DNAH10: variants seen among roughly 807,000 people sequenced by gnomAD.
The protein encoded by DNAH10 is axonemal beta dynein heavy chain 10.
A neutral mutation model predicts 506.6 loss-of-function variants in DNAH10; 348 were observed. That is an observed-to-expected ratio of 0.69 (90% CI 0.63 to 0.75). DNAH10 has a LOEUF of 0.75. DNAH10 is among the 30% of genes least tolerant of loss of function. The probability of loss-of-function intolerance (pLI) is 0.00; values close to 1 mark genes in which losing one functional copy is unlikely to be tolerated. For missense variants in DNAH10, 5,179 were observed against 5,787.1 expected, an observed-to-expected ratio of 0.89 and a Z score of 3.41; for synonymous variants, 2,059 against 2,198.6, an observed-to-expected ratio of 0.94 and a Z score of 1.78.
rs767366047 is a variant in DNAH10, at chr12:123,845,792, C to T, written c.5553C>T (p.Asn1851=). The T allele has an allele frequency of 2.1e-5, 34 of 1,613,856 alleles. No homozygotes were observed. In the Admixed American group the frequency reaches 2.2e-4, roughly 10 times the overall value. The change falls in exon 31 of 79, where the codon AAC becomes AAT. Residue 1851 remains asparagine (N), a synonymous_variant. Coordinates refer to ENST00000673944, the MANE Select transcript of DNAH10 (RefSeq NM_001372106.1). The stretch of plus-strand genomic sequence containing the variant: ...GCATCACCATGCCGCTAAGCAAAAA[C>T]GACAGGAAAAAATACAACACTGTTC... ...VTRITMPLSK[N]DRKKYNTVLI...
rs534564137 is a variant in DNAH10, at chr12:123,871,919, A to G, written c.7785+317A>G. Among the ~76,000 whole-genome samples the G allele has an allele frequency of 6.6e-5, 10 of 152,368 alleles. No homozygotes were observed. In the East Asian group the frequency reaches 1.7e-3, roughly 26 times the overall value. On this transcript the variant is annotated intron_variant, in intron 45 of 78. Coordinates refer to ENST00000673944, the MANE Select transcript of DNAH10 (RefSeq NM_001372106.1). ...ATGGCTTGGGTGTGCTCAACATGGTAGAGTGAGTGCTTAAGATAGATGGCA... is the reference window on the plus strand; with the variant it reads ...ATGGCTTGGGTGTGCTCAACATGGTGGAGTGAGTGCTTAAGATAGATGGCA...
chr12:123,781,284 A>G lies in DNAH10; in HGVS notation c.826A>G (p.Met276Val), dbSNP rs1422253514. 4.3e-6 allele frequency: 7 copies of G among 1,611,540 alleles called. No homozygotes were observed. The African/African-American group carries it at 6.7e-5, about 15-fold the overall frequency. ...ATTTGCAAGTAATATTCAAAGAACC[A>G]TGCAGCAACTTGAAGGTAAGGTTTC... ...QKFASNIQRT[M>V]QQLEGEIKLE... Residue 276 changes from methionine (M) to valine (V), a missense_variant, in exon 6 of 79, where the codon ATG (methionine) becomes GTG (valine). Coordinates refer to ENST00000673944, the MANE Select transcript of DNAH10 (RefSeq NM_001372106.1).
chr12:123,784,946 C>T (rs1328806663), intron 8 of DNAH10, among the ~76,000 whole-genome samples: 6 of 152,218 alleles, frequency 3.9e-5, no homozygotes, highest in Non-Finnish European at 7.3e-5. Flanking sequence ...AATCATATTC[C>T]ATAGCATGGA....
chr12:123,865,854 A>G, intron 40 of DNAH10, 97 bp from the exon 41 acceptor site: 1 of 1,243,348 alleles, frequency 8.0e-7, no homozygotes, highest in African/African-American at 1.5e-5. Context: ...TTTGGATTTC[A>G]TGCAGTTGTA....
rs374791083 is a variant in DNAH10, at chr12:123,830,693, T to A, written c.4539T>A (p.Ile1513=). 101 of 1,609,158 alleles carry A rather than the reference T, an allele frequency of 6.3e-5. No homozygotes were observed. The Admixed American group carries it at 1.6e-3, about 25-fold the overall frequency. ...IVTAAIKEVA[I]EKAVKEILDT... is the part of the protein sequence containing the mutation. ...CAGCAGCAATCAAGGAGGTTGCCAT[T>A]GAGAAGGTAAGACTTCAGTTAAAAA... Residue 1513 remains isoleucine (I), a synonymous_variant, in exon 26 of 79, where the codon ATT becomes ATA. Coordinates refer to ENST00000673944, the MANE Select transcript of DNAH10 (RefSeq NM_001372106.1).
chr12:123,835,583 T>G, intron 28 of DNAH10, 55 bp downstream of exon 28: 1 of 1,564,754 alleles, frequency 6.4e-7, no homozygotes, highest in Middle Eastern at 1.8e-4. Flanking sequence ...TTTGAGATAT[T>G]TGTACCTTTT....
At chr12:123,840,692 G>A (rs1213718506) in intron 29 of DNAH10, among the ~76,000 whole-genome samples, 3 of 152,004 alleles carry the variant, frequency 2.0e-5, no homozygotes, top group African/African-American at 7.3e-5. Context: ...CCTGTTTGTT[G>A]CCTTCCTCTC....
intron 24 of DNAH10, among the ~76,000 whole-genome samples, chr12:123,825,596 C>T (rs1042553546): frequency 5.3e-5 from 8 of 151,982 alleles, no homozygotes; most frequent in African/African-American, 1.9e-4. Context: ...AAAATGCAAA[C>T]GAATTTATGG....
At chr12:123,764,400 G>A (rs1033782045) in intron 1 of DNAH10, among the ~76,000 whole-genome samples, 1 of 152,028 alleles carries the variant, frequency 6.6e-6, no homozygotes, top group Non-Finnish European at 1.5e-5. Flanking sequence ...ACTTTCATTG[G>A]CACCAAGTGA....
intron 26 of DNAH10, among the ~76,000 whole-genome samples, chr12:123,832,111 G>A (rs1960619656): frequency 6.6e-6 from 1 of 152,020 alleles, no homozygotes; most frequent in African/African-American, 2.4e-5. Flanking sequence ...TGCACACAGT[G>A]TACCTAACAT....
At chr12:123,827,350 C>T (rs1041790385) in intron 25 of DNAH10, among the ~76,000 whole-genome samples, 1 of 152,130 alleles carries the variant, frequency 6.6e-6, no homozygotes, top group African/African-American at 2.4e-5. Context: ...CAACATGAAA[C>T]ATTTATTCAT....
chr12:123,788,842 CT>C (rs1957965538), intron 10 of DNAH10, among the ~76,000 whole-genome samples: 1 of 88,144 alleles, frequency 1.1e-5, no homozygotes, highest in Non-Finnish European at 2.1e-5. Flanking sequence ...GGCACGTTGG[CT>C]TGAGCCTGGG....
rs1431252967 is a variant in DNAH10 at position 123,787,784 on chromosome 12, G to T, written c.1422-20G>T. 7 of 1,608,518 alleles carry T rather than the reference G, an allele frequency of 4.4e-6. No homozygotes were observed. Among genetic ancestry groups the T allele is most frequent in the Non-Finnish European group, 5.9e-6 (7 of 1,177,936 alleles). ...CGGAGCTCCGCCCTCCTCCCATCAC[G>T]GCATCTCTTGGCTTCGCAGAGAAAA... On this transcript the variant is annotated intron_variant, in intron 9 of 78. Transcript: ENST00000673944. The surrounding 1 kb of genome is among the most constrained non-coding windows in gnomAD (Gnocchi z 4.6).
Position 123,850,975 on chromosome 12 carries a change from G to C in DNAH10, c.6190G>C (p.Glu2064Gln), listed in dbSNP as rs778347292. The change falls in exon 35 of 79, where the codon GAG (glutamate) becomes CAG (glutamine). Residue 2064 changes from glutamate to glutamine, a missense_variant. Glu to Gln is a conservative substitution (Grantham distance 29). Coordinates refer to ENST00000673944, the MANE Select transcript of DNAH10 (RefSeq NM_001372106.1). This position sits in a 1 kb window ranked among gnomAD's most constrained non-coding sequence, Gnocchi z 5.5. ...PGYAGRTELP[E>Q]SVKALFRPVV... ...CTACGCAGGCCGCACGGAGCTGCCC[G>C]AGTCGGTGAAGGCGCTGTTCAGGCC... 10 of 1,614,122 alleles carry C rather than the reference G, an allele frequency of 6.2e-6. No homozygotes were observed. The South Asian group carries it at 1.1e-4, about 18-fold the overall frequency.
intron 21 of DNAH10, among the ~76,000 whole-genome samples, chr12:123,817,043 C>T (rs965656043): frequency 3.3e-5 from 5 of 149,672 alleles, no homozygotes; most frequent in Admixed American, 1.3e-4. Context: ...ATTGTTTTGA[C>T]GGAGGAGTTG....
intron 5 of DNAH10, among the ~76,000 whole-genome samples, chr12:123,780,563 G>C (rs1477840850): frequency 1.3e-5 from 2 of 152,100 alleles, no homozygotes; most frequent in African/African-American, 4.8e-5. Flanking sequence ...TAAAATTGAT[G>C]CCCTTGGATC....
chr12:123,927,518 T>C (rs1955000530), intron 69 of DNAH10: 3 of 152,386 alleles, frequency 2.0e-5, no homozygotes, highest in Non-Finnish European at 1.5e-5. Context: ...GTGGTGCAAA[T>C]CCTCCTACCT....
At position 123,784,191 on chromosome 12, in the gene DNAH10, G is replaced by A; in HGVS notation, c.1230+14G>A. 1 of 1,605,526 alleles carries A rather than the reference G, an allele frequency of 6.2e-7. No individual in the cohort carries two copies. Among genetic ancestry groups the A allele is most frequent in the Non-Finnish European group, 8.5e-7 (1 of 1,172,270 alleles). On this transcript the variant is annotated intron_variant, in intron 8 of 78. Transcript: ENST00000673944. ...CGTTATTTCAAGGTATGCTGGGTGT[G>A]CTGCACTTTGCAGTCAGCTCTGTCA...
At chr12:123,764,074 C>T (rs1036430778) in intron 1 of DNAH10, among the ~76,000 whole-genome samples, 5 of 152,074 alleles carry the variant, frequency 3.3e-5, no homozygotes, top group East Asian at 3.9e-4. Context: ...CCATGTTGGC[C>T]GGGCTGCTCT....
Sources: allele counts gnomAD v4.1 joint callset (sites outside exome capture counted in the v4.1 genomes callset), GRCh38; gene constraint gnomAD v4.1.1; non-coding constraint Gnocchi (gnomAD v3.1); transcripts MANE v1.5; gene names NCBI Gene and HGNC (gene_info 2026-07-23, HGNC 2026-07-21).